Variants in DKC1 observed in about 807,000 individuals in gnomAD.
The protein encoded by DKC1 is H/ACA ribonucleoprotein complex subunit DKC1.
Under a neutral mutation model 46.7 loss-of-function variants are expected in DKC1, and 4 were observed. The ratio of observed to expected loss-of-function variants is 0.09; its 90% CI spans 0.04 to 0.20. DKC1 has a LOEUF of 0.20. Among genes scored for constraint, DKC1 ranks in the 10% least tolerant of loss-of-function variants. The pLI, the probability that DKC1 is intolerant of heterozygous loss-of-function variation, is 1.00. For synonymous variants in DKC1, 141 were observed against 142.4 expected, an observed-to-expected ratio of 0.99 and a Z score of 0.07; for missense variants, 171 against 404.2, an observed-to-expected ratio of 0.42 and a Z score of 4.95.
rs1370393255 is a variant in DKC1, at chrX:154,776,837, A to C, written c.1515A>C (p.Lys505Asn). Residue 505 changes from lysine to asparagine, a missense_variant, in exon 15 of 15, where the codon AAA becomes AAC. By Grantham distance (94) the Lys-to-Asn change is moderately conservative. Transcript: ENST00000369550. ...DTTKKKKKKK[K>N]AKEVELVSE Reference sequence around the variant, plus strand: ...CCAAGAAGAAGAAGAAGAAGAAGAAAGCAAAAGAGGTAGAATTGGTTTCTG... The same window carrying C: ...CCAAGAAGAAGAAGAAGAAGAAGAACGCAAAAGAGGTAGAATTGGTTTCTG... The C allele has an allele frequency of 8.3e-7, 1 of 1,204,893 alleles. No individual in the cohort carries two copies. Among genetic ancestry groups the C allele is most frequent in the Non-Finnish European group, 1.1e-6 (1 of 892,263 alleles).
chrX:154,773,448 G>T (rs1200460368), intron 11 of DKC1, among the ~76,000 whole-genome samples, 199 bp downstream of exon 11: 1 of 109,183 alleles, frequency 9.2e-6, no homozygotes, highest in Non-Finnish European at 1.9e-5. Context: ...GGACCCTGCG[G>T]CCTTCCGCAG....
rs1310978324 is a variant in DKC1, at chrX:154,777,548, A to C, written c.*681A>C. ...TCATTGCTGGGAGAAGAATGTTGTAATTTTTACTTATTAAAGTCAACTTGT... is the reference window on the plus strand; with the variant it reads ...TCATTGCTGGGAGAAGAATGTTGTACTTTTTACTTATTAAAGTCAACTTGT... On this transcript the variant is annotated 3_prime_UTR_variant, in exon 15 of 15. Coordinates refer to ENST00000369550, the MANE Select transcript of DKC1 (RefSeq NM_001363.5). 1 of 112,174 alleles carries C rather than the reference A, an allele frequency of 8.9e-6. No individual in the cohort carries two copies. The highest frequency in any genetic ancestry group is 1.9e-5 in the Non-Finnish European group (1 of 53,209). 9.2% of individuals were successfully genotyped at this position (112,174 alleles called of 1,213,427 possible).
In DKC1 at chrX:154,762,922, C is replaced by T. The variant is rs782150783; in HGVS notation, c.-44C>T. ...AAGGCGGCGGGAGTCTGCGGTCGTT[C>T]CCTCGGCTGTGGACCGGGCGGCACG... is the stretch of plus-strand genomic sequence containing the variant. On this transcript the variant is annotated 5_prime_UTR_variant, in exon 1 of 15. Coordinates refer to ENST00000369550, the MANE Select transcript of DKC1 (RefSeq NM_001363.5). 1 of 1,171,541 alleles carries T rather than the reference C, an allele frequency of 8.5e-7. No individual in the cohort carries two copies. The highest frequency in any genetic ancestry group is 1.9e-5 in the South Asian group (1 of 53,047).
At chrX:154,766,762 C>T (rs781846838) in intron 5 of DKC1, among the ~76,000 whole-genome samples, 1 of 111,731 alleles carries the variant, frequency 9.0e-6, no homozygotes, top group South Asian at 3.8e-4. Flanking sequence ...CACGCAGCTT[C>T]TACACTGAGT....
At chrX:154,768,619 A>G in intron 8 of DKC1, 187 bp downstream of exon 8, 1 of 594,109 alleles carries the variant, frequency 1.7e-6, no homozygotes, top group Non-Finnish European at 2.9e-6. Context: ...ATGATTGGGT[A>G]GAAAGTATTA....
In DKC1 at chrX:154,762,919, G is replaced by C. The variant is rs2071698064; in HGVS notation, c.-47G>C. On this transcript the variant is annotated 5_prime_UTR_variant, in exon 1 of 15. Transcript: ENST00000369550. ...ACCAAGGCGGCGGGAGTCTGCGGTCGTTCCCTCGGCTGTGGACCGGGCGGC... is the reference window on the plus strand; with the variant it reads ...ACCAAGGCGGCGGGAGTCTGCGGTCCTTCCCTCGGCTGTGGACCGGGCGGC... 2 of 1,169,477 alleles carry C rather than the reference G, an allele frequency of 1.7e-6. No homozygotes were observed. Among genetic ancestry groups the C allele is most frequent in the Non-Finnish European group, 2.3e-6 (2 of 873,388 alleles).
chrX:154,769,225 A>G lies in DKC1; in HGVS notation c.830A>G (p.Lys277Arg). ...GCTCAGTGGCTGTATGATAACCACAAGGATGAGAGTTACCTGCGGCGAGTT... is the reference window on the plus strand; with the variant it reads ...GCTCAGTGGCTGTATGATAACCACAGGGATGAGAGTTACCTGCGGCGAGTT... ...LDAQWLYDNH[K>R]DESYLRRVVY... The change falls in exon 9 of 15, where the codon AAG becomes AGG. Residue 277 changes from lysine to arginine, a missense_variant. This residue lies in a region of DKC1 where 60 missense variants were observed against 206.5 expected (regional missense o/e 0.29). Coordinates refer to ENST00000369550, the MANE Select transcript of DKC1 (RefSeq NM_001363.5). 8.3e-7 allele frequency: 1 copy of G among 1,210,828 alleles called. No homozygotes were observed.
rs782471921 is a variant in DKC1, at chrX:154,767,264, A to G, written c.522A>G (p.Glu174=). 24 of 1,211,721 alleles carry G rather than the reference A, an allele frequency of 2.0e-5. No homozygotes were observed. In the East Asian group the frequency reaches 7.1e-4, roughly 36 times the overall value. Residue 174 remains glutamate (E), a synonymous_variant, in exon 7 of 15, where the codon GAA becomes GAG. Transcript: ENST00000369550. Reference sequence around the variant, plus strand: ...TTTGTGTTTGTTCTTAGGCCCTAGAAACTCTGACAGGTGCCTTATTCCAGC... The same window carrying G: ...TTTGTGTTTGTTCTTAGGCCCTAGAGACTCTGACAGGTGCCTTATTCCAGC... ...EGGTQLSRAL[E]TLTGALFQRP...
At position 154,764,944 on chromosome X, in the gene DKC1, C is replaced by T. The variant is rs782389383; in HGVS notation, c.62C>T (p.Ser21Leu). The T allele has an allele frequency of 4.8e-5, 58 of 1,206,278 alleles. No homozygotes were observed. The highest frequency in any genetic ancestry group is 6.4e-5 in the Non-Finnish European group (57 of 891,493). Reference sequence around the variant, plus strand: ...CATAAGAAGAAAAAGGAGCGGAAGTCATTGCCAGAAGAAGATGTAGCCGTG... The same window carrying T: ...CATAAGAAGAAAAAGGAGCGGAAGTTATTGCCAGAAGAAGATGTAGCCGTG... ...KKHKKKKERK[S>L]LPEEDVAEIQ... Residue 21 changes from serine to leucine, a missense_variant, in exon 2 of 15, where the codon TCA becomes TTA. Transcript: ENST00000369550.
chrX:154,774,762 G>T, intron 12 of DKC1, 57 bp downstream of exon 12: 1 of 1,004,680 alleles, frequency 1.0e-6, no homozygotes, highest in Non-Finnish European at 1.4e-6. Flanking sequence ...TTGCTGCCTT[G>T]ATGCAGGAGT....
chrX:154,764,863 G>C, intron 1 of DKC1, 36 bp from the exon 2 acceptor site: 1 of 1,076,856 alleles, frequency 9.3e-7, no homozygotes. Context: ...ATTTATTCTT[G>C]GGGAAAATTC....
chrX:154,762,879 G>T lies in DKC1; in HGVS notation c.-87G>T. The T allele has an allele frequency of 9.0e-7, 1 of 1,108,036 alleles. No homozygotes were observed. Among genetic ancestry groups the T allele is most frequent in the Non-Finnish European group, 1.2e-6 (1 of 818,840 alleles). 91.3% of individuals were successfully genotyped at this position (1,108,036 alleles called of 1,213,427 possible). A position where few individuals can be genotyped will look rare whatever the true frequency, so the allele number is the denominator to read the frequency against. On this transcript the variant is annotated 5_prime_UTR_variant, in exon 1 of 15. Coordinates refer to ENST00000369550, the MANE Select transcript of DKC1 (RefSeq NM_001363.5). ...GTGCGCGGGTGGGTGGGTCCTAGCA[G>T]CGCGGCCTGACGGGACCAAGGCGGC...
At position 154,768,291 on chromosome X, in the gene DKC1, G is replaced by A; in HGVS notation, c.641-11G>A. 8.3e-7 allele frequency: 1 copy of A among 1,211,388 alleles called. No homozygotes were observed. The highest frequency in any genetic ancestry group is 2.4e-4 in the Middle Eastern group (1 of 4,172). On this transcript the variant is annotated splice_polypyrimidine_tract_variant and intron_variant, in intron 7 of 14. Transcript: ENST00000369550. ...TAGGTGCTGCTTTTCTTTTGTGTGTGTGTATCTTAGGAATCTTTTGGGTGA... is the reference window on the plus strand; with the variant it reads ...TAGGTGCTGCTTTTCTTTTGTGTGTATGTATCTTAGGAATCTTTTGGGTGA...
chrX:154,763,102 C>T, intron 1 of DKC1, 121 bp downstream of exon 1: 1 of 889,329 alleles, frequency 1.1e-6, no homozygotes, highest in Non-Finnish European at 1.6e-6. Context: ...TCGGCCTCTT[C>T]ACCGCCCGGC....
chrX:154,768,614 T>C, intron 8 of DKC1, 182 bp downstream of exon 8: 1 of 611,934 alleles, frequency 1.6e-6, no homozygotes. Flanking sequence ...GGGAGATGAT[T>C]GGGTAGAAAG....
chrX:154,777,106 CTGTT>C lies in DKC1; in HGVS notation c.*242_*245del, dbSNP rs1557265829. ...GGCAGAGTTTATCCCAATGACTTCT[CTGTT>C]TGAGTTGGGAAGCCTCACCTTCAGA... On this transcript the variant is annotated 3_prime_UTR_variant, in exon 15 of 15. Transcript: ENST00000369550. 1.3e-5 allele frequency: 4 copies of C among 316,860 alleles called. No individual in the cohort carries two copies. The highest frequency in any genetic ancestry group is 2.3e-5 in the Non-Finnish European group (4 of 175,955). The allele number at this position is 316,860 out of a possible 1,213,427, so 26.1% of individuals were successfully genotyped here.
Position 154,766,887 on chromosome X carries a change from C to T in DKC1, c.449-110C>T, listed in dbSNP as rs1287955148. On this transcript the variant is annotated intron_variant, in intron 5 of 14. Transcript: ENST00000369550. Reference sequence around the variant, plus strand: ...TGCAAATTTTATAGAAACACAAGGTCAAACTGCCGCTTTTCCTGCTGTGCA... The same window carrying T: ...TGCAAATTTTATAGAAACACAAGGTTAAACTGCCGCTTTTCCTGCTGTGCA... The T allele has an allele frequency of 5.7e-6, 4 of 704,836 alleles. No individual in the cohort carries two copies. The African/African-American group carries it at 8.4e-5, about 15-fold the overall frequency. 58.1% of individuals were successfully genotyped at this position (704,836 alleles called of 1,213,427 possible).
rs1557265898 is a variant in DKC1, at chrX:154,777,659, T to A, written c.*792T>A. 1 of 112,431 alleles carries A rather than the reference T, an allele frequency of 8.9e-6. No homozygotes were observed. Among genetic ancestry groups the A allele is most frequent in the African/African-American group, 3.2e-5 (1 of 30,869 alleles). 9.3% of individuals were successfully genotyped at this position (112,431 alleles called of 1,213,427 possible). ...TTGTAAAATATTTTGATTAAAAATC[T>A]AGGGACCTTTATGTCCTATTTGAAA... On this transcript the variant is annotated 3_prime_UTR_variant, in exon 15 of 15. Transcript: ENST00000369550.
intron 13 of DKC1, among the ~76,000 whole-genome samples, chrX:154,775,806 C>CG (rs782556736): frequency 4.5e-5 from 5 of 112,148 alleles, no homozygotes; most frequent in Non-Finnish European, 9.4e-5. Flanking sequence ...ACTCAGAAAC[C>CG]GGGGGCGGTA....
Sources: allele counts gnomAD v4.1 joint callset (sites outside exome capture counted in the v4.1 genomes callset), GRCh38; gene constraint gnomAD v4.1.1; regional missense constraint gnomAD v4.1.1; transcripts MANE v1.5; gene names NCBI Gene and HGNC (gene_info 2026-07-23, HGNC 2026-07-21).